Variants in HSPB7 observed in about 807,000 individuals in gnomAD.
HSPB7 encodes the protein heat shock protein beta-7.
In HSPB7, 9 loss-of-function variants were observed where a neutral mutation model predicts 11.0. The ratio of observed to expected loss-of-function variants is 0.82; its 90% CI spans 0.49 to 1.43. HSPB7 has a LOEUF of 1.43. Among genes scored for constraint, HSPB7 ranks in the 40% most tolerant of loss-of-function variants. The pLI is 0.00. For synonymous variants in HSPB7, 102 were observed against 101.6 expected (o/e 1.00, Z -0.02); for missense variants, 246 against 243.9 (o/e 1.01, Z -0.06).
At chr1:16,017,299 T>A in intron 1 of HSPB7, 92 bp from the exon 2 acceptor site, 1 of 1,524,716 alleles carries the variant, frequency 6.6e-7, no homozygotes, top group South Asian at 1.2e-5. Flanking sequence ...AAGGGGCGGC[T>A]CCCCCAGGCC....
In HSPB7 at chr1:16,015,674, G is replaced by A; in HGVS notation, c.419C>T (p.Ala140Val). 6.2e-7 allele frequency: 1 copy of A among 1,613,580 alleles called. No individual in the cohort carries two copies. Among genetic ancestry groups the A allele is most frequent in the Non-Finnish European group, 8.5e-7 (1 of 1,179,782 alleles). The change falls in exon 3 of 3, where the codon GCT becomes GTT. Residue 140 changes from alanine (A) to valine (V), a missense_variant. Physicochemically the swap from Ala to Val is moderately conservative, Grantham distance 64. Coordinates refer to ENST00000311890, the MANE Select transcript of HSPB7 (RefSeq NM_014424.5). This position sits in a 1 kb window ranked among gnomAD's most constrained non-coding sequence, Gnocchi z 4.9. ...EDVDPTSVTS[A>V]LREDGSLTIR... is the part of the protein sequence containing the mutation. ...AGTGAGGCTGCCGTCCTCCCGCAGAGCCGAGGTCACCGACGTCGGGTCCAC... is the reference window on the plus strand; with the variant it reads ...AGTGAGGCTGCCGTCCTCCCGCAGAACCGAGGTCACCGACGTCGGGTCCAC...
chr1:16,019,439 C>G, upstream of HSPB7: 2 of 1,550,256 alleles, frequency 1.3e-6, no homozygotes, highest in Non-Finnish European at 1.7e-6. Flanking sequence ...TGGCAGTTCC[C>G]ACGGGGGCGA....
chr1:16,017,802 GCTGC>G lies in HSPB7; in HGVS notation c.158_161del (p.Gly53AlafsTer25). 1 of 1,612,704 alleles carries G rather than the reference GCTGC, an allele frequency of 6.2e-7. No homozygotes were observed. Reference sequence around the variant, plus strand: ...GGGGCTCCGAGTGGGGCCGCATGAAGCTGCCAAAGTCATCGGAAAACATGCTCAG... The same window carrying G: ...GGGGCTCCGAGTGGGGCCGCATGAAGCAAAGTCATCGGAAAACATGCTCAG... On this transcript the variant is annotated frameshift_variant, in exon 1 of 3. Coordinates refer to ENST00000311890, the MANE Select transcript of HSPB7 (RefSeq NM_014424.5). LOFTEE classifies it high-confidence loss of function.
intron 1 of HSPB7, 76 bp downstream of exon 1, chr1:16,017,689 G>GCGC: frequency 7.8e-7 from 1 of 1,281,774 alleles, no homozygotes; most frequent in East Asian, 2.5e-5. Context: ...GGCAGCCACA[G>GCGC]CGCCTTCGGT....
In HSPB7 at chr1:16,014,478, C is replaced by A. The variant is rs1227884782; in HGVS notation, c.*1102G>T. On this transcript the variant is annotated 3_prime_UTR_variant, in exon 3 of 3. Transcript: ENST00000311890. Reference sequence around the variant, plus strand: ...AGCAGTTGACACCCTGGGTTCAGATCTAACCTTCAGTGACAAAGCACAGCA... The same window carrying A: ...AGCAGTTGACACCCTGGGTTCAGATATAACCTTCAGTGACAAAGCACAGCA... 6.6e-6 allele frequency: 1 copy of A among 152,242 alleles called. No homozygotes were observed. The highest frequency in any genetic ancestry group is 1.5e-5 in the Non-Finnish European group (1 of 68,050). 9.4% of individuals were successfully genotyped at this position (152,242 alleles called of 1,614,324 possible). A position where few individuals can be genotyped will look rare whatever the true frequency, so the allele number is the denominator to read the frequency against.
intron 2 of HSPB7, 103 bp downstream of exon 2, chr1:16,016,971 A>G (rs920330494): frequency 8.2e-7 from 1 of 1,217,318 alleles, no homozygotes; most frequent in African/African-American, 1.5e-5. Flanking sequence ...TGGGGAAGGG[A>G]CACTGGCCAG....
At chr1:16,018,980 T>C (rs1344715985), upstream of HSPB7, 2 of 985,706 alleles carry the variant, frequency 2.0e-6, no homozygotes, top group East Asian at 5.3e-5. Flanking sequence ...GTTGCGTAAG[T>C]GGCAGAGCTG....
At chr1:16,016,129 G>A (rs1055240790) in intron 2 of HSPB7, among the ~76,000 whole-genome samples, 67 of 152,370 alleles carry the variant, frequency 4.4e-4, no homozygotes, top group African/African-American at 1.5e-3. Flanking sequence ...GCATCTGCCC[G>A]CCAGGGCTGA....
chr1:16,019,126 G>C, upstream of HSPB7: 1 of 1,544,834 alleles, frequency 6.5e-7, no homozygotes, highest in South Asian at 1.2e-5. Flanking sequence ...AGCAAAGCTG[G>C]GACTGACCTT....
rs764753899 is a variant in HSPB7 at position 16,015,548 on chromosome 1, C to G, written c.*32G>C. 1 of 1,602,870 alleles carries G rather than the reference C, an allele frequency of 6.2e-7. No individual in the cohort carries two copies. The highest frequency in any genetic ancestry group is 1.7e-5 in the Admixed American group (1 of 59,798). ...CGAGGCTTTGCTGGCAGGCGTGGGG[C>G]GGGGGGACAGGGAAAGGGAAGGGAG... On this transcript the variant is annotated 3_prime_UTR_variant, in exon 3 of 3. Transcript: ENST00000311890. The surrounding 1 kb of genome is among the most constrained non-coding windows in gnomAD (Gnocchi z 4.9).
At chr1:16,017,453 C>G (rs540329640) in intron 1 of HSPB7, 1 of 591,804 alleles carries the variant, frequency 1.7e-6, no homozygotes, top group African/African-American at 1.9e-5. Flanking sequence ...GGCCTGGAGC[C>G]TGGGGGCTGC....
upstream of HSPB7, chr1:16,019,426 A>G: frequency 6.5e-7 from 1 of 1,549,222 alleles, no homozygotes; most frequent in Non-Finnish European, 8.7e-7. Context: ...TTCCCTATCC[A>G]ACTGGCAGTT....
At chr1:16,017,675 G>T in intron 1 of HSPB7, 90 bp downstream of exon 1, 1 of 1,125,470 alleles carries the variant, frequency 8.9e-7, no homozygotes, top group South Asian at 1.4e-5. Context: ...GTTCCAGGCC[G>T]ACCGGCAGCC....
chr1:16,019,034 C>G (rs1024143921), upstream of HSPB7: 19 of 1,153,134 alleles, frequency 1.6e-5, no homozygotes, highest in Admixed American at 2.3e-4. Flanking sequence ...CTTCAGAGGC[C>G]GAGGTGGTTT....
At chr1:16,018,463 G>GC, upstream of HSPB7, 1 of 1,140,492 alleles carries the variant, frequency 8.8e-7, no homozygotes, top group Non-Finnish European at 1.1e-6. Flanking sequence ...CTTGGGGACA[G>GC]GGTAGGTGGA....
chr1:16,015,564 G>A lies in HSPB7; in HGVS notation c.*16C>T. ...GGCGTGGGGCGGGGGGACAGGGAAA[G>A]GGAAGGGAGAGGCACTCAGATTTTG... On this transcript the variant is annotated 3_prime_UTR_variant, in exon 3 of 3. Transcript: ENST00000311890. The surrounding 1 kb of genome is among the most constrained non-coding windows in gnomAD (Gnocchi z 4.9). 6.2e-7 allele frequency: 1 copy of A among 1,613,118 alleles called. No individual in the cohort carries two copies. The highest frequency in any genetic ancestry group is 1.3e-5 in the African/African-American group (1 of 75,016).
upstream of HSPB7, chr1:16,019,265 C>G (rs1312868800): frequency 2.0e-6 from 3 of 1,535,090 alleles, no homozygotes; most frequent in Non-Finnish European, 2.6e-6. Context: ...CCAATGCCTC[C>G]TCCCCCAGGG....
chr1:16,018,340 T>A, upstream of HSPB7: 1 of 1,233,464 alleles, frequency 8.1e-7, no homozygotes, highest in Non-Finnish European at 1.0e-6. Flanking sequence ...AAGTTTGGGG[T>A]TTATTGTGTG....
chr1:16,019,268 C>T (rs1213263297), upstream of HSPB7: 2 of 1,501,290 alleles, frequency 1.3e-6, no homozygotes, highest in South Asian at 2.4e-5. Context: ...ATGCCTCCTC[C>T]CCCAGGGAGG....
Sources: gnomAD v4.1 joint callset for allele counts (sites outside exome capture counted in the v4.1 genomes callset) on GRCh38, gnomAD v4.1.1 for gene constraint, Gnocchi (gnomAD v3.1) non-coding constraint, MANE v1.5 for transcripts, NCBI Gene and HGNC (gene_info 2026-07-23, HGNC 2026-07-21) for gene names.